Variants in SYNJ1 observed in about 807,000 individuals in gnomAD.
SYNJ1 encodes polyphosphatidylinositol phosphatase SYNJ1.
Under a neutral mutation model 168.2 loss-of-function variants are expected in SYNJ1, and 78 were observed. That is an observed-to-expected ratio of 0.46 (90% CI 0.39 to 0.56). The LOEUF is 0.56. Among genes scored for constraint, SYNJ1 ranks in the 20% least tolerant of loss-of-function variants. The pLI is 0.00. For synonymous variants in SYNJ1, 539 were observed against 548.6 expected, an observed-to-expected ratio of 0.98 and a Z score of 0.24; for missense variants, 1,303 against 1,597.6, an observed-to-expected ratio of 0.82 and a Z score of 3.14.
intron 8 of SYNJ1, 51 bp from the exon 9 acceptor site, chr21:32,685,968 A>G: frequency 6.4e-7 from 1 of 1,555,156 alleles, no homozygotes. Flanking sequence ...AAAGGCAAAT[A>G]TCCATCTAAA....
At chr21:32,652,890 T>G (rs2040324489) in intron 22 of SYNJ1, among the ~76,000 whole-genome samples, 1 of 152,178 alleles carries the variant, frequency 6.6e-6, no homozygotes, top group Admixed American at 6.5e-5. Flanking sequence ...ATGAAACAAA[T>G]TCCTAGGAAT....
chr21:32,720,698 G>C (rs925771859), intron 2 of SYNJ1, among the ~76,000 whole-genome samples: 1 of 152,178 alleles, frequency 6.6e-6, no homozygotes, highest in Non-Finnish European at 1.5e-5. Flanking sequence ...TTACTCCCAT[G>C]CTAGCATGTA....
At chr21:32,657,281 C>A (rs939788531) in intron 19 of SYNJ1, among the ~76,000 whole-genome samples, 161 bp from the exon 20 acceptor site, 4 of 152,118 alleles carry the variant, frequency 2.6e-5, no homozygotes, top group South Asian at 2.1e-4. Flanking sequence ...CCTTTAAATT[C>A]GAAAGGTTTT....
chr21:32,636,604 T>C (rs887856796), intron 31 of SYNJ1, among the ~76,000 whole-genome samples: 1 of 152,150 alleles, frequency 6.6e-6, no homozygotes, highest in Non-Finnish European at 1.5e-5. Flanking sequence ...CTACTTCCAA[T>C]AATTTAAAAT....
rs1207163945 is a variant in SYNJ1 at position 32,678,698 on chromosome 21, T to C, written c.1457A>G (p.Asn486Ser). The C allele has an allele frequency of 6.2e-7, 1 of 1,613,226 alleles. No homozygotes were observed. The highest frequency in any genetic ancestry group is 1.7e-5 in the Admixed American group (1 of 59,810). ...IDVLLLGNTL[N>S]SDLADKARAL... Reference sequence around the variant, plus strand: ...TCGAGCTTTGTCAGCTAAATCACTATTCAGAGTATTTCCCAGTAGCAAAAC... The same window carrying C: ...TCGAGCTTTGTCAGCTAAATCACTACTCAGAGTATTTCCCAGTAGCAAAAC... Residue 486 changes from asparagine (N) to serine (S), a missense_variant, in exon 12 of 33, where the codon AAT (asparagine) becomes AGT (serine). Asn to Ser is a conservative substitution (Grantham distance 46). This residue lies in a region of SYNJ1 where 920 missense variants were observed against 1,208.8 expected (regional missense o/e 0.76). Coordinates refer to ENST00000674351, the MANE Select transcript of SYNJ1 (RefSeq NM_203446.3).
At chr21:32,631,980 T>C (rs1303501942) in intron 32 of SYNJ1, among the ~76,000 whole-genome samples, 179 bp from the exon 33 acceptor site, 1 of 152,252 alleles carries the variant, frequency 6.6e-6, no homozygotes, top group East Asian at 1.9e-4. Flanking sequence ...CTACAGTCTT[T>C]AAAAACTTCT....
intron 32 of SYNJ1, among the ~76,000 whole-genome samples, chr21:32,633,038 T>A (rs552603185): frequency 4.6e-5 from 7 of 152,100 alleles, no homozygotes; most frequent in Non-Finnish European, 1.0e-4. Flanking sequence ...AAACAAAAAC[T>A]GAGTAATGTG....
chr21:32,659,512 C>A (rs1400719637), intron 18 of SYNJ1, among the ~76,000 whole-genome samples: 1 of 152,140 alleles, frequency 6.6e-6, no homozygotes, highest in Non-Finnish European at 1.5e-5. Flanking sequence ...AAAAATCAAC[C>A]CCTGACCTAA....
At chr21:32,646,327 T>C (rs2040067217) in intron 24 of SYNJ1, 66 bp downstream of exon 24, 2 of 1,502,540 alleles carry the variant, frequency 1.3e-6, no homozygotes, top group Non-Finnish European at 1.8e-6. Context: ...ACTTAAACGA[T>C]GACTCTCCAA....
chr21:32,637,406 C>CTTTTTTTTTTTTTT (rs5843562), intron 31 of SYNJ1, among the ~76,000 whole-genome samples: 4 of 100,298 alleles, frequency 4.0e-5, no homozygotes, highest in Admixed American at 1.2e-4. Flanking sequence ...TTTCTTTTTT[C>CTTTTTTTTTTTTTT]TTTTTTTTTT....
upstream of SYNJ1, chr21:32,728,059 G>A (rs2122964094): frequency 6.6e-7 from 1 of 1,526,234 alleles, no homozygotes; most frequent in Admixed American, 2.0e-5. Flanking sequence ...GGCCGGGGGC[G>A]GAAGATCCGC....
Position 32,665,974 on chromosome 21 carries a change from A to T in SYNJ1, c.2114T>A (p.Ile705Lys). Residue 705 changes from isoleucine to lysine, a missense_variant, in exon 17 of 33, where the codon ATA becomes AAA. Physicochemically the swap from Ile to Lys is moderately radical, Grantham distance 102. Coordinates refer to ENST00000674351, the MANE Select transcript of SYNJ1 (RefSeq NM_203446.3). Reference protein sequence around the residue: ...SQVKERNEDFIEIARKLSFPM... With the variant: ...SQVKERNEDFKEIARKLSFPM... ...AAAACTCAATTTTCGTGCTATTTCT[A>T]TAAAATCTTCATTTCTTTCTTTGAC... The T allele has an allele frequency of 6.2e-7, 1 of 1,612,254 alleles. No individual in the cohort carries two copies. The highest frequency in any genetic ancestry group is 8.5e-7 in the Non-Finnish European group (1 of 1,179,334).
At chr21:32,644,943 C>T in intron 26 of SYNJ1, 25 bp downstream of exon 26, 1 of 1,604,340 alleles carries the variant, frequency 6.2e-7, no homozygotes, top group Non-Finnish European at 8.5e-7. Flanking sequence ...ACGATTCACA[C>T]ATGCTAACAA....
intron 13 of SYNJ1, among the ~76,000 whole-genome samples, chr21:32,675,425 T>C (rs2041367798): frequency 6.6e-6 from 1 of 152,108 alleles, no homozygotes. Flanking sequence ...AAAAAAGAAA[T>C]GAGTCTATGC....
chr21:32,679,646 TTAGAA>T (rs1303887395), intron 11 of SYNJ1, among the ~76,000 whole-genome samples: 1 of 152,140 alleles, frequency 6.6e-6, no homozygotes, highest in Non-Finnish European at 1.5e-5. Flanking sequence ...AGGCTTCTTT[TTAGAA>T]TAAAGAGCCA....
intron 11 of SYNJ1, 58 bp downstream of exon 11, chr21:32,681,438 C>A: frequency 6.6e-7 from 1 of 1,517,436 alleles, no homozygotes; most frequent in Non-Finnish European, 8.9e-7. Flanking sequence ...CATTTAAAAG[C>A]TTTATGAAGA....
Position 32,630,799 on chromosome 21 carries a change from C to A in SYNJ1, c.*1006G>T. On this transcript the variant is annotated 3_prime_UTR_variant, in exon 33 of 33. Transcript: ENST00000674351. ...ATCCAAAGAGAAATACATCAAAACTCCAGTTAACAATGAGAAGGGTTTTTC... is the reference window on the plus strand; with the variant it reads ...ATCCAAAGAGAAATACATCAAAACTACAGTTAACAATGAGAAGGGTTTTTC... 1.9e-6 allele frequency: 1 copy of A among 527,760 alleles called. No individual in the cohort carries two copies. Among genetic ancestry groups the A allele is most frequent in the Non-Finnish European group, 3.2e-6 (1 of 307,916 alleles). 32.7% of individuals were successfully genotyped at this position (527,760 alleles called of 1,614,324 possible). A position where few individuals can be genotyped will look rare whatever the true frequency, so the allele number is the denominator to read the frequency against.
chr21:32,667,692 C>T (rs761048723), intron 15 of SYNJ1, among the ~76,000 whole-genome samples: 2 of 152,098 alleles, frequency 1.3e-5, no homozygotes, highest in Non-Finnish European at 2.9e-5. Flanking sequence ...ACCTCAGCCC[C>T]GCAAGTAGCT....
At position 32,631,552 on chromosome 21, in the gene SYNJ1, T is replaced by C. The variant is rs1398328287; in HGVS notation, c.*253A>G. 2.5e-6 allele frequency: 4 copies of C among 1,614,064 alleles called. No homozygotes were observed. The highest frequency in any genetic ancestry group is 1.3e-5 in the African/African-American group (1 of 74,944). On this transcript the variant is annotated 3_prime_UTR_variant, in exon 33 of 33. Transcript: ENST00000674351. The stretch of plus-strand genomic sequence containing the variant: ...ATAAATGGGTTTGGAGAACTTCGCA[T>C]ATTTTCCTGGGATTGACTCCGAGCT...
Sources: gnomAD v4.1 joint callset for allele counts (sites outside exome capture counted in the v4.1 genomes callset) on GRCh38, gnomAD v4.1.1 for gene constraint, gnomAD v4.1.1 regional missense constraint, MANE v1.5 for transcripts, NCBI Gene and HGNC (gene_info 2026-07-23, HGNC 2026-07-21) for gene names.